Variants in LMOD1 observed in about 807,000 individuals in gnomAD.
The protein encoded by LMOD1 is leiomodin 1, also known as leiomodin-1.
LMOD1 carries 8 observed loss-of-function variants against 36.5 expected under a neutral mutation model. That is an observed-to-expected ratio of 0.22 (90% CI 0.13 to 0.40). LMOD1 has a LOEUF of 0.40. Among genes scored for constraint, LMOD1 ranks in the 10% least tolerant of loss-of-function variants. LMOD1 has a pLI of 1.00. For synonymous variants in LMOD1, 284 were observed against 288.7 expected (o/e 0.98, Z 0.17); for missense variants, 630 against 751.1 (o/e 0.84, Z 1.88).
intron 1 of LMOD1, among the ~76,000 whole-genome samples, chr1:201,944,732 CG>C (rs55994652): frequency 0.89 from 130,568 of 147,022 alleles, 57,421 homozygotes; most frequent in Non-Finnish European, 0.91. Context: ...GGTGGTGGGG[CG>C]GGGGGGGGCG....
At chr1:201,912,632 G>A (rs1681533930) in intron 1 of LMOD1, among the ~76,000 whole-genome samples, 1 of 152,210 alleles carries the variant, frequency 6.6e-6, no homozygotes, top group African/African-American at 2.4e-5. Flanking sequence ...GCCAAGGTGG[G>A]TGGATCACCT....
At chr1:201,908,427 C>T (rs960760809) in intron 1 of LMOD1, among the ~76,000 whole-genome samples, 9 of 152,192 alleles carry the variant, frequency 5.9e-5, no homozygotes, top group African/African-American at 9.7e-5. Context: ...TATAACCTCA[C>T]CCCCTTAGGT....
At position 201,901,564 on chromosome 1, in the gene LMOD1, GTATA is replaced by G. The variant is rs1275880446; in HGVS notation, c.262-817_262-814del. On this transcript the variant is annotated intron_variant, in intron 1 of 2. Coordinates refer to ENST00000367288, the MANE Select transcript of LMOD1 (RefSeq NM_012134.3). Reference sequence around the variant, plus strand: ...TATATATATATATACATATATATATGTATATATATATATATATATACATATATAT... The same window carrying G: ...TATATATATATATACATATATATATGTATATATATATATATACATATATAT... Among the ~76,000 whole-genome samples the G allele has an allele frequency of 6.2e-3, 242 of 39,018 alleles. 20 individuals are homozygous for G. Among genetic ancestry groups the G allele is most frequent in the African/African-American group, 0.027 (188 of 7,072 alleles). The allele number at this position is 39,018 out of a possible 152,430, so 25.6% of individuals were successfully genotyped here. A position where few individuals can be genotyped will look rare whatever the true frequency, so the allele number is the denominator to read the frequency against.
In LMOD1 at chr1:201,900,536, G is replaced by A. The variant is rs1264029303; in HGVS notation, c.477C>T (p.Asp159=). 1.2e-6 allele frequency: 2 copies of A among 1,613,528 alleles called. No individual in the cohort carries two copies. Among genetic ancestry groups the A allele is most frequent in the Non-Finnish European group, 8.5e-7 (1 of 1,179,826 alleles). The part of the protein sequence containing the change: ...PKEEKIIRGI[D]KGRVRAAVDK... Reference sequence around the variant, plus strand: ...CCACTGCAGCCCTGACCCGGCCCTTGTCAATGCCCCGGATGATCTTCTCCT... The same window carrying A: ...CCACTGCAGCCCTGACCCGGCCCTTATCAATGCCCCGGATGATCTTCTCCT... Residue 159 remains aspartate, a synonymous_variant, in exon 2 of 3, where the codon GAC becomes GAT. Transcript: ENST00000367288.
intron 1 of LMOD1, among the ~76,000 whole-genome samples, chr1:201,941,047 A>AT (rs1168181425): frequency 0.016 from 2,202 of 141,202 alleles, 40 homozygotes; most frequent in African/African-American, 0.046. Context: ...GTGCCTGGCC[A>AT]TTTTTTTTTT....
intron 2 of LMOD1, 82 bp from the exon 3 acceptor site, chr1:201,898,480 A>C (rs1681232019): frequency 1.6e-6 from 2 of 1,228,604 alleles, no homozygotes; most frequent in African/African-American, 1.5e-5. Flanking sequence ...CACACAAGAC[A>C]CTGCAATATG....
chr1:201,922,763 A>G (rs1442899600), intron 1 of LMOD1, among the ~76,000 whole-genome samples: 2 of 150,812 alleles, frequency 1.3e-5, no homozygotes, highest in African/African-American at 4.9e-5. Flanking sequence ...TATATTCAGT[A>G]TATTTGCCGA....
chr1:201,904,745 A>G (rs1166150570), intron 1 of LMOD1, among the ~76,000 whole-genome samples: 4 of 152,156 alleles, frequency 2.6e-5, no homozygotes, highest in Non-Finnish European at 4.4e-5. Flanking sequence ...TTTCCTCCAA[A>G]TAGCCAGGAA....
intron 1 of LMOD1, 80 bp from the exon 2 acceptor site, chr1:201,900,831 G>A: frequency 2.3e-6 from 3 of 1,283,382 alleles, no homozygotes; most frequent in Non-Finnish European, 2.1e-6. Context: ...GTGTGGGGGA[G>A]CGCTTACATA....
chr1:201,901,627 TG>T (rs1681321457), intron 1 of LMOD1, among the ~76,000 whole-genome samples: 2 of 18,318 alleles, frequency 1.1e-4, no homozygotes, highest in South Asian at 5.6e-3. Context: ...TATATGTGTG[TG>T]TGTATATATA....
chr1:201,923,644 G>T (rs1313153992), intron 1 of LMOD1, among the ~76,000 whole-genome samples: 1 of 151,916 alleles, frequency 6.6e-6, no homozygotes, highest in Non-Finnish European at 1.5e-5. Flanking sequence ...GGGGCAGATT[G>T]CTTGAGTTCA....
In LMOD1 at chr1:201,897,138, G is replaced by C. The variant is rs1275675891; in HGVS notation, c.*1234C>G. On this transcript the variant is annotated 3_prime_UTR_variant, in exon 3 of 3. Coordinates refer to ENST00000367288, the MANE Select transcript of LMOD1 (RefSeq NM_012134.3). ...GTGGAATTGGTGAGCAGGTGGGGAG[G>C]GCTGGGGAAGATGAGGCCCCTCTGA... 2 of 247,082 alleles carry C rather than the reference G, an allele frequency of 8.1e-6. No individual in the cohort carries two copies. The highest frequency in any genetic ancestry group is 2.2e-5 in the African/African-American group (1 of 44,924). 15.3% of individuals were successfully genotyped at this position (247,082 alleles called of 1,614,324 possible).
chr1:201,900,133 G>C lies in LMOD1; in HGVS notation c.880C>G (p.Gln294Glu). The change falls in exon 2 of 3, where the codon CAG (glutamine) becomes GAG (glutamate). Residue 294 changes from glutamine to glutamate, a missense_variant. This residue lies in a region of LMOD1 where 405 missense variants were observed against 400.6 expected (regional missense o/e 1.01). Transcript: ENST00000367288. ...GGCTTGGTGGGGCCACTGGGCGTCT[G>C]TTTCTCGGGTGTTTTGGTCTTGCTG... Reference protein sequence around the residue: ...DDSKTKTPEKQTPSGPTKPSE... With the variant: ...DDSKTKTPEKETPSGPTKPSE... 6.2e-7 allele frequency: 1 copy of C among 1,613,928 alleles called. No individual in the cohort carries two copies. The highest frequency in any genetic ancestry group is 8.5e-7 in the Non-Finnish European group (1 of 1,179,864).
At chr1:201,938,535 G>C (rs1571593122) in intron 1 of LMOD1, among the ~76,000 whole-genome samples, 1 of 152,226 alleles carries the variant, frequency 6.6e-6, no homozygotes, top group East Asian at 1.9e-4. Flanking sequence ...CCCAGGTCTA[G>C]CTGGCCCCTG....
intron 1 of LMOD1, among the ~76,000 whole-genome samples, chr1:201,932,185 G>A (rs932330204): frequency 2.6e-5 from 4 of 152,236 alleles, no homozygotes; most frequent in African/African-American, 4.8e-5. Context: ...TAACATATAA[G>A]TTAAAGAGGA....
chr1:201,912,363 AC>A (rs755195194), intron 1 of LMOD1, among the ~76,000 whole-genome samples: 1 of 150,362 alleles, frequency 6.7e-6, no homozygotes, highest in Non-Finnish European at 1.5e-5. Flanking sequence ...GTGACCCCTG[AC>A]CCCCAAGCCC....
At chr1:201,908,965 G>T (rs1046195086) in intron 1 of LMOD1, among the ~76,000 whole-genome samples, 10 of 152,230 alleles carry the variant, frequency 6.6e-5, no homozygotes, top group African/African-American at 2.2e-4. Flanking sequence ...AACGCTGGAG[G>T]CTTGTGCTCT....
rs899966102 is a variant in LMOD1 at position 201,926,364 on chromosome 1, C to A, written c.261+19716G>T. Reference sequence around the variant, plus strand: ...CTGGGGAAGCAGTGTGTTAACTGTTCTGTTTATCATCTTGTTTGGCTGACT... The same window carrying A: ...CTGGGGAAGCAGTGTGTTAACTGTTATGTTTATCATCTTGTTTGGCTGACT... On this transcript the variant is annotated intron_variant, in intron 1 of 2. Transcript: ENST00000367288. Among the ~76,000 whole-genome samples, 7 of 152,122 alleles carry A rather than the reference C, an allele frequency of 4.6e-5. No homozygotes were observed. In the East Asian group the frequency reaches 7.7e-4, roughly 17 times the overall value.
chr1:201,898,307 T>C lies in LMOD1; in HGVS notation c.*65A>G. On this transcript the variant is annotated 3_prime_UTR_variant, in exon 3 of 3. Coordinates refer to ENST00000367288, the MANE Select transcript of LMOD1 (RefSeq NM_012134.3). ...CCAGGGATGGGGTGGGCAGGGTCTG[T>C]GTAGCCCTGGGAGGTGAGGCCTGAG... The C allele has an allele frequency of 6.4e-7, 1 of 1,553,750 alleles. No homozygotes were observed. Among genetic ancestry groups the C allele is most frequent in the Non-Finnish European group, 8.8e-7 (1 of 1,134,430 alleles).
Sources: allele counts gnomAD v4.1 joint callset (sites outside exome capture counted in the v4.1 genomes callset), GRCh38; gene constraint gnomAD v4.1.1; regional missense constraint gnomAD v4.1.1; transcripts MANE v1.5; gene names NCBI Gene and HGNC (gene_info 2026-07-23, HGNC 2026-07-21).